The following AP1B1 variants were observed in gnomAD, a reference collection of about 807,000 sequenced individuals.
AP1B1 encodes adaptor related protein complex 1 subunit beta 1, also known as AP-1 complex subunit beta-1.
In AP1B1, 36 loss-of-function variants were observed where a neutral mutation model predicts 104.3. That is an observed-to-expected ratio of 0.35 (90% CI 0.26 to 0.46). The LOEUF (loss-of-function observed/expected upper bound fraction) is 0.46. Among genes scored for constraint, AP1B1 ranks in the 20% least tolerant of loss-of-function variants. The pLI is 1.00. For missense variants in AP1B1, 901 were observed against 1,247.9 expected, an observed-to-expected ratio of 0.72 and a Z score of 4.19; for synonymous variants, 504 against 517.5, an observed-to-expected ratio of 0.97 and a Z score of 0.35.
intron 11 of AP1B1, among the ~76,000 whole-genome samples, chr22:29,342,695 AC>A (rs1422053169): frequency 6.6e-6 from 1 of 152,186 alleles, no homozygotes; most frequent in Non-Finnish European, 1.5e-5. Flanking sequence ...AATTCACAGA[AC>A]TATGAGAAGC....
intron 1 of AP1B1, among the ~76,000 whole-genome samples, chr22:29,388,013 T>C (rs1238531400): frequency 6.6e-6 from 1 of 152,202 alleles, no homozygotes; most frequent in Non-Finnish European, 1.5e-5. Flanking sequence ...GACCGTTTTC[T>C]AGTTTTTTTT....
chr22:29,341,732 C>T lies in AP1B1; in HGVS notation c.1565G>A (p.Arg522His), dbSNP rs1221697688. The change falls in exon 13 of 23, where the codon CGT becomes CAT. Residue 522 changes from arginine to histidine, a missense_variant. Arg to His is a conservative substitution (Grantham distance 29). Around this residue, in one of 3 missense-constraint regions of AP1B1, gnomAD observed 471 missense variants for 696.7 expected, o/e 0.68. Coordinates refer to ENST00000357586, the MANE Select transcript of AP1B1 (RefSeq NM_001127.4). The stretch of plus-strand genomic sequence containing the variant: ...CAGCAGGCGCCAGTAGATGTAGCCA[C>T]GGTCCCGCAGGTCTGGGTTATCTGA... ...QDSDNPDLRD[R>H]GYIYWRLLST... 2 of 1,613,204 alleles carry T rather than the reference C, an allele frequency of 1.2e-6. No homozygotes were observed.
intron 6 of AP1B1, 72 bp downstream of exon 6, chr22:29,356,354 C>A: frequency 6.8e-7 from 1 of 1,478,650 alleles, no homozygotes; most frequent in Admixed American, 2.1e-5. Context: ...GCCCAAGGCC[C>A]AGTGCCTGGT....
chr22:29,349,268 C>G lies in AP1B1; in HGVS notation c.1387G>C (p.Asp463His), dbSNP rs748239546. ...TCGAGGAAGCTCTCCAGCAGCTCAT[C>G]TGCGTTGTCGATCCGTTCCGCGTAC... Reference protein sequence around the residue: ...GEYAERIDNADELLESFLEGF... With the variant: ...GEYAERIDNAHELLESFLEGF... The change falls in exon 11 of 23, where the codon GAT becomes CAT. Residue 463 changes from aspartate to histidine, a missense_variant. Physicochemically the swap from Asp to His is moderately conservative, Grantham distance 81. This residue lies in a region of AP1B1 where 471 missense variants were observed against 696.7 expected (regional missense o/e 0.68). Transcript: ENST00000357586. The G allele has an allele frequency of 1.2e-5, 20 of 1,614,022 alleles. No homozygotes were observed. Among genetic ancestry groups the G allele is most frequent in the Non-Finnish European group, 1.6e-5 (19 of 1,180,050 alleles).
chr22:29,359,657 G>A (rs573761697), intron 4 of AP1B1, 167 bp downstream of exon 4: 105 of 798,946 alleles, frequency 1.3e-4, no homozygotes, highest in East Asian at 1.3e-4. Flanking sequence ...TGATTTTCTG[G>A]AGAGTGGGAG....
Position 29,340,653 on chromosome 22 carries a change from T to A in AP1B1, c.1998+3A>T. ...CATCATCCAGAGGGGGCCCACAACA[T>A]ACCAGGCTGTCAAGGCCACCGCCAA... On this transcript the variant is annotated splice_donor_region_variant and intron_variant, in intron 14 of 22. Coordinates refer to ENST00000357586, the MANE Select transcript of AP1B1 (RefSeq NM_001127.4). 2 of 1,545,272 alleles carry A rather than the reference T, an allele frequency of 1.3e-6. No homozygotes were observed. The highest frequency in any genetic ancestry group is 2.4e-5 in the South Asian group (2 of 83,012).
chr22:29,369,492 C>A (rs2148027486), intron 1 of AP1B1, among the ~76,000 whole-genome samples: 1 of 152,368 alleles, frequency 6.6e-6, no homozygotes, highest in Admixed American at 6.5e-5. Flanking sequence ...AAGGATGGCA[C>A]TTTTCTATGG....
Position 29,385,625 on chromosome 22 carries a change from A to AT in AP1B1, c.-28+2798dup, listed in dbSNP as rs775272312. ...AGGATTCCCCAACTGCTCTGTTGACATTTTTTCTCAGGAGTATTTGTTCCT... is the reference window on the plus strand; with the variant it reads ...AGGATTCCCCAACTGCTCTGTTGACATTTTTTTCTCAGGAGTATTTGTTCCT... On this transcript the variant is annotated intron_variant, in intron 1 of 22. Transcript: ENST00000357586. Among the ~76,000 whole-genome samples, 7 of 152,280 alleles carry AT rather than the reference A, an allele frequency of 4.6e-5. No individual in the cohort carries two copies. In the East Asian group the frequency reaches 9.6e-4, roughly 21 times the overall value.
chr22:29,351,314 T>A (rs535711208), intron 8 of AP1B1, 48 bp from the exon 9 acceptor site: 3 of 1,584,502 alleles, frequency 1.9e-6, no homozygotes, highest in Non-Finnish European at 2.6e-6. Context: ...GATGGGGCAA[T>A]CTGCTGGAAC....
At chr22:29,349,454 G>A in intron 10 of AP1B1, 71 bp from the exon 11 acceptor site, 3 of 1,551,778 alleles carry the variant, frequency 1.9e-6, no homozygotes, top group Non-Finnish European at 2.6e-6. Context: ...GCCAGACAGG[G>A]GCCAGGAGGG....
At chr22:29,367,899 C>T (rs2148023729) in intron 1 of AP1B1, among the ~76,000 whole-genome samples, 1 of 152,298 alleles carries the variant, frequency 6.6e-6, no homozygotes, top group African/African-American at 2.4e-5. Flanking sequence ...CTGGAAAGGG[C>T]TAGAATCTGT....
intron 2 of AP1B1, among the ~76,000 whole-genome samples, chr22:29,363,795 G>C (rs915498045): frequency 6.6e-6 from 1 of 152,050 alleles, no homozygotes; most frequent in African/African-American, 2.4e-5. Flanking sequence ...TACTCTGGAG[G>C]CTGAGGCTGA....
chr22:29,354,528 T>C, intron 7 of AP1B1, 122 bp downstream of exon 7: 2 of 924,676 alleles, frequency 2.2e-6, no homozygotes, highest in Non-Finnish European at 3.4e-6. Flanking sequence ...TAAGCTATTC[T>C]GGGTTAAGCT....
In AP1B1 at chr22:29,340,553, A is replaced by G. The variant is rs1318970847; in HGVS notation, c.1998+103T>C. The G allele has an allele frequency of 1.1e-5, 13 of 1,213,552 alleles. No homozygotes were observed. The East Asian group carries it at 3.3e-4, about 31-fold the overall frequency. The allele number at this position is 1,213,552 out of a possible 1,614,324, so 75.2% of individuals were successfully genotyped here. A position where few individuals can be genotyped will look rare whatever the true frequency, so the allele number is the denominator to read the frequency against. ...GGGTAAATGGTAAGGACTCTATATA[A>G]TGTACCTGAGGCACTCAGCTGGTGC... On this transcript the variant is annotated intron_variant, in intron 14 of 22. Coordinates refer to ENST00000357586, the MANE Select transcript of AP1B1 (RefSeq NM_001127.4).
Position 29,328,869 on chromosome 22 carries a change from C to T in AP1B1, c.2802G>A (p.Glu934=). ...AGGCCTGGTACACGTGCTGGGACAC[C>T]TCTGGTGCTCGACACTTCAGGGACA... The part of the protein sequence containing the change: ...LELSLKCRAP[E]VSQHVYQAYE... The change falls in exon 23 of 23, where the codon GAG becomes GAA. Residue 934 remains glutamate, a synonymous_variant. Coordinates refer to ENST00000357586, the MANE Select transcript of AP1B1 (RefSeq NM_001127.4). This position sits in a 1 kb window ranked among gnomAD's most constrained non-coding sequence, Gnocchi z 4.1. 1.2e-6 allele frequency: 2 copies of T among 1,609,632 alleles called. No homozygotes were observed. Among genetic ancestry groups the T allele is most frequent in the African/African-American group, 1.3e-5 (1 of 74,974 alleles).
chr22:29,335,456 T>TG (rs1242431537), intron 16 of AP1B1, among the ~76,000 whole-genome samples: 1 of 142,100 alleles, frequency 7.0e-6, no homozygotes, highest in Non-Finnish European at 1.5e-5. Context: ...ACCCAAGTCC[T>TG]GTGAAGGCCA....
At chr22:29,385,067 T>G (rs954591567) in intron 1 of AP1B1, among the ~76,000 whole-genome samples, 1 of 150,684 alleles carries the variant, frequency 6.6e-6, no homozygotes, top group African/African-American at 2.4e-5. Context: ...GAGGGAAGAG[T>G]GCAAAGCAAA....
intron 1 of AP1B1, among the ~76,000 whole-genome samples, chr22:29,372,436 A>G (rs1602791317): frequency 6.6e-6 from 1 of 151,736 alleles, no homozygotes; most frequent in African/African-American, 2.4e-5. Flanking sequence ...AAAAAAAAAA[A>G]AAAAAGAAAA....
chr22:29,349,901 C>G, intron 10 of AP1B1, 134 bp downstream of exon 10: 1 of 747,100 alleles, frequency 1.3e-6, no homozygotes. Flanking sequence ...AAATAAAAAA[C>G]AAAGGGTTTC....
Sources: allele counts gnomAD v4.1 joint callset (sites outside exome capture counted in the v4.1 genomes callset), GRCh38; gene constraint gnomAD v4.1.1; regional missense constraint gnomAD v4.1.1; non-coding constraint Gnocchi (gnomAD v3.1); transcripts MANE v1.5; gene names NCBI Gene and HGNC (gene_info 2026-07-23, HGNC 2026-07-21).